The following LAMA3 variants were observed in gnomAD, a reference collection of about 807,000 sequenced individuals.
The protein encoded by LAMA3 is laminin subunit alpha 3, also known as laminin subunit alpha-3.
LAMA3 carries 281 observed loss-of-function variants against 402.0 expected under a neutral mutation model. The observed-to-expected ratio is 0.70, with a 90% CI of 0.63 to 0.77. The LOEUF is 0.77. Ranked by LOEUF, LAMA3 falls within the 30% of genes least tolerant of loss-of-function variation. The probability of loss-of-function intolerance (pLI) is 0.00; values close to 1 mark genes in which losing one functional copy is unlikely to be tolerated. For missense variants in LAMA3, 3,840 were observed against 4,215.5 expected, an observed-to-expected ratio of 0.91 and a Z score of 2.47; for synonymous variants, 1,431 against 1,558.4, an observed-to-expected ratio of 0.92 and a Z score of 1.93.
chr18:23,797,730 T>A (rs986850874), intron 12 of LAMA3, among the ~76,000 whole-genome samples: 3 of 151,886 alleles, frequency 2.0e-5, no homozygotes, highest in African/African-American at 7.2e-5. Context: ...AAAAAAAAAA[T>A]TCAAAATCTT....
chr18:23,932,889 G>A (rs992499402), intron 66 of LAMA3, among the ~76,000 whole-genome samples: 1 of 152,162 alleles, frequency 6.6e-6, no homozygotes, highest in Non-Finnish European at 1.5e-5. Flanking sequence ...CCACCCATCA[G>A]GGCTCCATCC....
chr18:23,784,746 A>G (rs944093420), intron 12 of LAMA3, among the ~76,000 whole-genome samples: 4 of 152,080 alleles, frequency 2.6e-5, no homozygotes, highest in South Asian at 2.1e-4. Flanking sequence ...TATGCACTCA[A>G]TGCTGGGTGA....
intron 2 of LAMA3, among the ~76,000 whole-genome samples, chr18:23,732,830 T>C (rs2061415655): frequency 6.6e-6 from 1 of 152,022 alleles, no homozygotes; most frequent in Non-Finnish European, 1.5e-5. Flanking sequence ...ATACTAGGGG[T>C]GTTGTAAAGG....
At chr18:23,774,550 A>G (rs2062272313) in intron 9 of LAMA3, among the ~76,000 whole-genome samples, 1 of 152,204 alleles carries the variant, frequency 6.6e-6, no homozygotes, top group Non-Finnish European at 1.5e-5. Flanking sequence ...CTTCTATTAT[A>G]CAGAAGAATG....
chr18:23,901,440 C>T, intron 48 of LAMA3, 117 bp downstream of exon 48: 1 of 812,824 alleles, frequency 1.2e-6, no homozygotes, highest in South Asian at 1.5e-5. Context: ...ATTATACCAC[C>T]TCAGACCCAG....
chr18:23,761,606 A>C (rs1241664065), intron 7 of LAMA3, among the ~76,000 whole-genome samples: 2 of 152,196 alleles, frequency 1.3e-5, no homozygotes, highest in Non-Finnish European at 2.9e-5. Context: ...CACTTTTCAC[A>C]GTGTGTTAAG....
At chr18:23,796,100 T>C (rs1393057380) in intron 12 of LAMA3, 1 of 441,054 alleles carries the variant, frequency 2.3e-6, no homozygotes, top group Non-Finnish European at 4.5e-6. Flanking sequence ...CACCTGGATC[T>C]TGGACTTCCC....
intron 23 of LAMA3, among the ~76,000 whole-genome samples, chr18:23,833,183 C>T (rs1015879357): frequency 1.3e-5 from 2 of 152,168 alleles, no homozygotes; most frequent in Non-Finnish European, 2.9e-5. Flanking sequence ...TTTGCAGGCC[C>T]TGTGGTCTCT....
At chr18:23,718,393 A>T (rs1158397250) in intron 2 of LAMA3, among the ~76,000 whole-genome samples, 4 of 152,188 alleles carry the variant, frequency 2.6e-5, no homozygotes, top group Admixed American at 2.6e-4. Context: ...AGCCTGACTC[A>T]TTGTGTTCCA....
intron 1 of LAMA3, among the ~76,000 whole-genome samples, chr18:23,698,678 G>T (rs760020470): frequency 2.6e-5 from 4 of 152,232 alleles, no homozygotes; most frequent in Non-Finnish European, 5.9e-5. Context: ...CAACTAATAA[G>T]AATGGTGCTG....
chr18:23,707,082 A>G (rs925448923), intron 1 of LAMA3, among the ~76,000 whole-genome samples: 5 of 152,202 alleles, frequency 3.3e-5, no homozygotes, highest in African/African-American at 1.2e-4. Flanking sequence ...CCGTCTCAAA[A>G]AAAACAAAAA....
At chr18:23,840,781 A>C (rs1400260628) in intron 27 of LAMA3, among the ~76,000 whole-genome samples, 1 of 152,212 alleles carries the variant, frequency 6.6e-6, no homozygotes, top group Non-Finnish European at 1.5e-5. Flanking sequence ...TATAATTTAC[A>C]TTATGATATT....
chr18:23,772,959 G>A (rs529180548), intron 8 of LAMA3, among the ~76,000 whole-genome samples: 2 of 152,320 alleles, frequency 1.3e-5, no homozygotes, highest in East Asian at 3.9e-4. Flanking sequence ...CCGTGTATGA[G>A]ACTCATGCCT....
intron 2 of LAMA3, among the ~76,000 whole-genome samples, chr18:23,739,387 T>C (rs1184617234): frequency 1.3e-5 from 2 of 152,170 alleles, no homozygotes; most frequent in Admixed American, 6.5e-5. Context: ...AAATAAATAT[T>C]CTGACTAATA....
Position 23,881,788 on chromosome 18 carries a change from G to A in LAMA3, c.5113-148G>A. 25 of 683,948 alleles carry A rather than the reference G, an allele frequency of 3.7e-5. 1 individual carries two copies. Among genetic ancestry groups the A allele is most frequent in the South Asian group, 3.3e-4 (22 of 66,308 alleles). The allele number at this position is 683,948 out of a possible 1,614,324, so 42.4% of individuals were successfully genotyped here. A position where few individuals can be genotyped will look rare whatever the true frequency, so the allele number is the denominator to read the frequency against. ...TTCTAACACCAGCAATGATTAGAGG[G>A]ATAGGGAAAATACATGGTTAGAGGA... On this transcript the variant is annotated intron_variant, in intron 39 of 74. Coordinates refer to ENST00000313654, the MANE Select transcript of LAMA3 (RefSeq NM_198129.4).
Position 23,710,232 on chromosome 18 carries a change from G to C in LAMA3, c.295-3688G>C. ...TGCCTTCTTGGCCTTCAAAACCTTC[G>C]TTTTGGCTTCAGCTTTAGGAGGGAC... On this transcript the variant is annotated intron_variant, in intron 1 of 74. Coordinates refer to ENST00000313654, the MANE Select transcript of LAMA3 (RefSeq NM_198129.4). 3 of 618,094 alleles carry C rather than the reference G, an allele frequency of 4.9e-6. No individual in the cohort carries two copies. In the East Asian group the frequency reaches 1.0e-4, roughly 21 times the overall value. 38.3% of individuals were successfully genotyped at this position (618,094 alleles called of 1,614,324 possible). A position where few individuals can be genotyped will look rare whatever the true frequency, so the allele number is the denominator to read the frequency against.
chr18:23,935,909 G>A (rs370552336), intron 67 of LAMA3, among the ~76,000 whole-genome samples: 1 of 152,024 alleles, frequency 6.6e-6, no homozygotes, highest in South Asian at 2.1e-4. Context: ...GGTCTGGAGT[G>A]TGGGTCGAAT....
intron 6 of LAMA3, 115 bp from the exon 7 acceptor site, chr18:23,758,281 A>G (rs1205567467): frequency 5.3e-6 from 4 of 749,058 alleles, no homozygotes; most frequent in South Asian, 1.5e-5. Flanking sequence ...TAATTCCTCA[A>G]TGAATGGTGC....
Position 23,827,358 on chromosome 18 carries a change from C to A in LAMA3, c.2714C>A (p.Thr905Asn), listed in dbSNP as rs1439820421. 15 of 1,614,222 alleles carry A rather than the reference C, an allele frequency of 9.3e-6. No individual in the cohort carries two copies. The highest frequency in any genetic ancestry group is 1.3e-5 in the Non-Finnish European group (15 of 1,180,040). ...QHLPVTRFPC[T>N]LACEARHFLL... ...TTGCCAGTGACCAGATTCCCCTGTA[C>A]CCTGGCTTGTGAGGCCAGACACTTC... Residue 905 changes from threonine to asparagine, a missense_variant, in exon 23 of 75, where the codon ACC becomes AAC. Transcript: ENST00000313654.
Sources: gnomAD v4.1 joint callset for allele counts (sites outside exome capture counted in the v4.1 genomes callset) on GRCh38, gnomAD v4.1.1 for gene constraint, MANE v1.5 for transcripts, NCBI Gene and HGNC (gene_info 2026-07-23, HGNC 2026-07-21) for gene names.